Variants in RIMBP2 observed in about 807,000 individuals in gnomAD.
RIMBP2 encodes RIMS binding protein 2.
A neutral mutation model predicts 118.6 loss-of-function variants in RIMBP2; 48 were observed. That is an observed-to-expected ratio of 0.40 (90% CI 0.32 to 0.51). RIMBP2 has a LOEUF of 0.51. Among genes scored for constraint, RIMBP2 ranks in the 20% least tolerant of loss-of-function variants. RIMBP2 has a pLI of 0.41. For synonymous variants in RIMBP2, 762 were observed against 742.9 expected (o/e 1.03, Z -0.42); for missense variants, 1,551 against 1,768.3 (o/e 0.88, Z 2.20).
intron 1 of RIMBP2, among the ~76,000 whole-genome samples, chr12:130,701,918 A>C (rs897983042): frequency 2.0e-5 from 3 of 152,040 alleles, no homozygotes; most frequent in Non-Finnish European, 4.4e-5. Flanking sequence ...CCACACACGT[A>C]TGTTCTAGAA....
intron 2 of RIMBP2, among the ~76,000 whole-genome samples, chr12:130,590,429 A>G (rs897582346): frequency 6.6e-6 from 1 of 152,192 alleles, no homozygotes; most frequent in African/African-American, 2.4e-5. Flanking sequence ...ACTGTCCCTC[A>G]GCTCCGCCCA....
chr12:130,595,434 T>C (rs1200003862), intron 2 of RIMBP2, among the ~76,000 whole-genome samples: 1 of 152,046 alleles, frequency 6.6e-6, no homozygotes, highest in Non-Finnish European at 1.5e-5. Context: ...GGCGGGCGCC[T>C]GTAGTCCCAG....
intron 4 of RIMBP2, among the ~76,000 whole-genome samples, chr12:130,499,707 C>T (rs2049549327): frequency 6.6e-6 from 1 of 152,180 alleles, no homozygotes; most frequent in African/African-American, 2.4e-5. Context: ...TCAAAGGACT[C>T]ACCCACAGTG....
At chr12:130,702,535 A>G (rs1593038419) in intron 1 of RIMBP2, among the ~76,000 whole-genome samples, 1 of 141,732 alleles carries the variant, frequency 7.1e-6, no homozygotes, top group Non-Finnish European at 1.5e-5. Context: ...ATAAAAAAAT[A>G]AAAAACAAGA....
In RIMBP2 at chr12:130,475,188, ATTTG is replaced by A. The variant is rs538564140; in HGVS notation, c.102+3720_102+3723del. On this transcript the variant is annotated intron_variant, in intron 5 of 22. Transcript: ENST00000690449. The surrounding 1 kb of genome is among the most constrained non-coding windows in gnomAD (Gnocchi z 4.1). ...TTCATCACTCATTCGTCATTCACCC[ATTTG>A]TTTATTTCTCCGATTTAACAAATGC... Among the ~76,000 whole-genome samples, 187 of 152,276 alleles carry A rather than the reference ATTTG, an allele frequency of 1.2e-3. No individual in the cohort carries two copies. The highest frequency in any genetic ancestry group is 4.3e-3 in the African/African-American group (177 of 41,560).
chr12:130,565,401 T>C (rs1307155559), intron 2 of RIMBP2, among the ~76,000 whole-genome samples: 1 of 152,186 alleles, frequency 6.6e-6, no homozygotes, highest in Non-Finnish European at 1.5e-5. Flanking sequence ...ATCATATCAT[T>C]GTCAGCTGTC....
chr12:130,679,388 A>G (rs1191470710), intron 1 of RIMBP2, among the ~76,000 whole-genome samples: 1 of 152,246 alleles, frequency 6.6e-6, no homozygotes, highest in Admixed American at 6.5e-5. Context: ...CTACTCATTA[A>G]TTACTAGGAA....
intron 1 of RIMBP2, among the ~76,000 whole-genome samples, chr12:130,655,700 C>T (rs886575141): frequency 3.9e-5 from 6 of 152,334 alleles, no homozygotes; most frequent in Non-Finnish European, 8.8e-5. Flanking sequence ...CATGTATATA[C>T]AGGCAAACAC....
chr12:130,406,976 G>C (rs1034207825), intron 20 of RIMBP2, among the ~76,000 whole-genome samples: 3 of 152,174 alleles, frequency 2.0e-5, no homozygotes, highest in African/African-American at 7.2e-5. Context: ...CGATGGGCCG[G>C]GCTGCAGCCC....
At chr12:130,492,503 C>CTCCT (rs1173215092) in intron 4 of RIMBP2, among the ~76,000 whole-genome samples, 1 of 152,168 alleles carries the variant, frequency 6.6e-6, no homozygotes, top group Admixed American at 6.5e-5. Flanking sequence ...ATCCTAAAGC[C>CTCCT]TCCTTCCTTC....
At chr12:130,711,942 G>A (rs1263495882) in intron 1 of RIMBP2, among the ~76,000 whole-genome samples, 2 of 152,270 alleles carry the variant, frequency 1.3e-5, no homozygotes, top group East Asian at 1.9e-4. Flanking sequence ...TGTGCAGCCC[G>A]TGACTGTACT....
chr12:130,491,731 C>CGCGCAGA (rs1310677481), intron 4 of RIMBP2, among the ~76,000 whole-genome samples: 1 of 152,198 alleles, frequency 6.6e-6, no homozygotes, highest in Non-Finnish European at 1.5e-5. Flanking sequence ...TCCGCCTCCC[C>CGCGCAGA]GCGCAGAGAC....
In RIMBP2 at chr12:130,621,044, G is replaced by A. The variant is rs894285036; in HGVS notation, c.-217+7278C>T. Among the ~76,000 whole-genome samples the A allele has an allele frequency of 1.3e-5, 2 of 152,150 alleles. No individual in the cohort carries two copies. The highest frequency in any genetic ancestry group is 4.8e-5 in the African/African-American group (2 of 41,444). ...GCTGAATGGGGAGGCCTGAAAATAT[G>A]CACACACCTCTGTAAGGAGATGGAG... On this transcript the variant is annotated intron_variant, in intron 2 of 22. Transcript: ENST00000690449. The surrounding 1 kb of genome is among the most constrained non-coding windows in gnomAD (Gnocchi z 6.6).
chr12:130,603,007 T>C (rs1310456378), intron 2 of RIMBP2, among the ~76,000 whole-genome samples: 1 of 152,148 alleles, frequency 6.6e-6, no homozygotes, highest in Non-Finnish European at 1.5e-5. Context: ...GCAATACAAT[T>C]TCCACTTGTC....
intron 1 of RIMBP2, among the ~76,000 whole-genome samples, chr12:130,640,083 G>A (rs552597032): frequency 7.9e-5 from 12 of 152,164 alleles, no homozygotes; most frequent in South Asian, 2.1e-4. Context: ...TGTACACTCC[G>A]CCCCAGAACA....
intron 1 of RIMBP2, among the ~76,000 whole-genome samples, chr12:130,673,979 G>A (rs2064319750): frequency 6.6e-6 from 1 of 151,450 alleles, no homozygotes. Context: ...TTAGCCAGGT[G>A]GCGTAGCACG....
chr12:130,691,920 AG>A (rs890461374), intron 1 of RIMBP2, among the ~76,000 whole-genome samples: 2 of 152,112 alleles, frequency 1.3e-5, no homozygotes, highest in African/African-American at 4.8e-5. Flanking sequence ...GGAACATGGC[AG>A]GGGGACGGGT....
rs934413015 is a variant in RIMBP2, at chr12:130,675,152, C to T, written c.-352+41070G>A. On this transcript the variant is annotated intron_variant, in intron 1 of 22. Coordinates refer to ENST00000690449, the MANE Select transcript of RIMBP2 (RefSeq NM_001393629.1). Reference sequence around the variant, plus strand: ...CAGTTGTCCCGAAGGACCTGTTGGCCGCCAGATAGTGGTTGAAGGAAGGGA... The same window carrying T: ...CAGTTGTCCCGAAGGACCTGTTGGCTGCCAGATAGTGGTTGAAGGAAGGGA... 7.9e-5 allele frequency among the ~76,000 whole-genome samples: 12 copies of T among 152,326 alleles called. No homozygotes were observed. In the South Asian group the frequency reaches 1.9e-3, roughly 24 times the overall value.
chr12:130,424,306 GGTC>G lies in RIMBP2; in HGVS notation c.2962_2964del (p.Asp988del). 8.1e-7 allele frequency: 1 copy of G among 1,231,784 alleles called. No individual in the cohort carries two copies. The highest frequency in any genetic ancestry group is 1.0e-6 in the Non-Finnish European group (1 of 987,844). 76.3% of individuals were successfully genotyped at this position (1,231,784 alleles called of 1,614,324 possible). The stretch of plus-strand genomic sequence containing the variant: ...GGCGGCCTCTCCGGGCCGGGCTGGG[GGTC>G]GTCGTTCCTGAGGAGGCCACCAGGG... On this transcript the variant is annotated inframe_deletion, in exon 16 of 23. Transcript: ENST00000690449. This position sits in a 1 kb window ranked among gnomAD's most constrained non-coding sequence, Gnocchi z 9.8.
Sources: gnomAD v4.1 joint callset for allele counts (sites outside exome capture counted in the v4.1 genomes callset) on GRCh38, gnomAD v4.1.1 for gene constraint, Gnocchi (gnomAD v3.1) non-coding constraint, MANE v1.5 for transcripts, NCBI Gene and HGNC (gene_info 2026-07-23, HGNC 2026-07-21) for gene names.